The following XYLT1 variants were observed in gnomAD, a reference collection of about 807,000 sequenced individuals.
The protein encoded by XYLT1 is beta-D-xylosyltransferase 1.
A neutral mutation model predicts 91.3 loss-of-function variants in XYLT1; 36 were observed. That is an observed-to-expected ratio of 0.39 (90% CI 0.30 to 0.52). The LOEUF is 0.52. Ranked by LOEUF, XYLT1 falls within the 20% of genes least tolerant of loss-of-function variation. The probability of loss-of-function intolerance (pLI) is 0.68; values close to 1 mark genes in which losing one functional copy is unlikely to be tolerated. For missense variants in XYLT1, 1,242 were observed against 1,284.5 expected (o/e 0.97, Z 0.51); for synonymous variants, 588 against 532.0 (o/e 1.11, Z -1.45).
intron 2 of XYLT1, among the ~76,000 whole-genome samples, chr16:17,339,932 A>G (rs969144792): frequency 6.6e-6 from 1 of 150,782 alleles, no homozygotes; most frequent in Admixed American, 6.6e-5. Flanking sequence ...TCCATCCTCC[A>G]TCCATCATCT....
chr16:17,169,458 T>G (rs951425206), intron 5 of XYLT1, among the ~76,000 whole-genome samples: 2 of 152,204 alleles, frequency 1.3e-5, no homozygotes, highest in African/African-American at 4.8e-5. Context: ...AAGAAACACA[T>G]TTTTCATTTT....
At chr16:17,307,320 C>T (rs1240833113) in intron 2 of XYLT1, among the ~76,000 whole-genome samples, 1 of 152,170 alleles carries the variant, frequency 6.6e-6, no homozygotes, top group Non-Finnish European at 1.5e-5. Context: ...CGTGATCGGC[C>T]CGCTTCGGCC....
intron 2 of XYLT1, among the ~76,000 whole-genome samples, chr16:17,332,517 G>A (rs1228449512): frequency 2.0e-5 from 3 of 151,710 alleles, no homozygotes; most frequent in Admixed American, 6.6e-5. Flanking sequence ...AGCCAAGATC[G>A]TGCCACTGCG....
intron 9 of XYLT1, among the ~76,000 whole-genome samples, chr16:17,131,985 C>G (rs371058453): frequency 1.3e-5 from 2 of 151,586 alleles, no homozygotes; most frequent in South Asian, 4.2e-4. Context: ...ATTCCTGGCT[C>G]GAGGCAACGT....
In XYLT1 at chr16:17,365,283, G is replaced by A. The variant is rs2035438325; in HGVS notation, c.364-7233C>T. Among the ~76,000 whole-genome samples, 3 of 152,132 alleles carry A rather than the reference G, an allele frequency of 2.0e-5. No individual in the cohort carries two copies. The South Asian group carries it at 6.2e-4, about 32-fold the overall frequency. ...TTAGGGTCTCATTGCAGCAACCAAG[G>A]TGTTGCATAACGGGGCTTTCTCTTC... On this transcript the variant is annotated intron_variant, in intron 1 of 11. Coordinates refer to ENST00000261381, the MANE Select transcript of XYLT1 (RefSeq NM_022166.4).
chr16:17,132,902 G>A (rs7193675), intron 9 of XYLT1, among the ~76,000 whole-genome samples: 93,235 of 152,034 alleles, frequency 0.61, 29,889 homozygotes, highest in East Asian at 0.84. Context: ...TCTCAAAAGA[G>A]CACTGTATAA....
intron 5 of XYLT1, chr16:17,193,933 G>A (rs1488500457): frequency 6.6e-6 from 1 of 152,220 alleles, no homozygotes; most frequent in Non-Finnish European, 1.5e-5. Flanking sequence ...ATTCGTGGGA[G>A]GCACCATGGA....
chr16:17,469,217 A>T (rs1464510794), intron 1 of XYLT1, among the ~76,000 whole-genome samples: 1 of 152,264 alleles, frequency 6.6e-6, no homozygotes, highest in African/African-American at 2.4e-5. Context: ...GTACTAAGGC[A>T]GTCTTCAGTG....
At chr16:17,174,104 T>G (rs557738455) in intron 5 of XYLT1, among the ~76,000 whole-genome samples, 1 of 152,298 alleles carries the variant, frequency 6.6e-6, no homozygotes, top group South Asian at 2.1e-4. Flanking sequence ...TCTCTGTGGT[T>G]GTTCCCTGGC....
chr16:17,451,449 G>A (rs1189832291), intron 1 of XYLT1, among the ~76,000 whole-genome samples: 3 of 152,208 alleles, frequency 2.0e-5, no homozygotes, highest in Admixed American at 6.5e-5. Flanking sequence ...CCCCTCCATC[G>A]GAACCTGAGC....
chr16:17,383,601 T>TCAACACACAC (rs2035709428), intron 1 of XYLT1, among the ~76,000 whole-genome samples: 1 of 151,904 alleles, frequency 6.6e-6, no homozygotes, highest in East Asian at 2.0e-4. Flanking sequence ...AAGGAACATT[T>TCAACACACAC]ACATTTTAAG....
intron 3 of XYLT1, among the ~76,000 whole-genome samples, chr16:17,233,890 G>A (rs2033206213): frequency 6.6e-6 from 1 of 152,138 alleles, no homozygotes; most frequent in African/African-American, 2.4e-5. Flanking sequence ...CTTCATCCTG[G>A]TTAAGCGCAC....
At chr16:17,152,750 C>T (rs982234275) in intron 6 of XYLT1, among the ~76,000 whole-genome samples, 1 of 152,212 alleles carries the variant, frequency 6.6e-6, no homozygotes. Flanking sequence ...AGATGGGGTT[C>T]AGACCAGAGA....
rs869058864 is a variant in XYLT1 at position 17,351,014 on chromosome 16, GA to G, written c.402+6997del. Among the ~76,000 whole-genome samples the G allele has an allele frequency of 1.7e-4, 26 of 151,784 alleles. No individual in the cohort carries two copies. In the East Asian group the frequency reaches 4.6e-3, roughly 27 times the overall value. On this transcript the variant is annotated intron_variant, in intron 2 of 11. Transcript: ENST00000261381. ...AACCCCAGCCAAGTAGCTGGATTAA[GA>G]AAAAAAAATTTTTTTTTTAACTCTG...
chr16:17,462,537 G>A (rs1342391536), intron 1 of XYLT1, among the ~76,000 whole-genome samples: 1 of 152,186 alleles, frequency 6.6e-6, no homozygotes, highest in Non-Finnish European at 1.5e-5. Context: ...CAGGCGGAAG[G>A]AAGTGTCCGC....
Position 17,108,779 on chromosome 16 carries a change from G to C in XYLT1, c.2796C>G (p.Thr932=). 1.9e-6 allele frequency: 3 copies of C among 1,610,626 alleles called. No individual in the cohort carries two copies. The highest frequency in any genetic ancestry group is 2.2e-5 in the East Asian group (1 of 44,880). Residue 932 remains threonine (T), a synonymous_variant, in exon 12 of 12, where the codon ACC becomes ACG. Transcript: ENST00000261381. ...TGPTACPVMQ[T]CSQTAWSSFS... ...AGGAGCTCCAGGCCGTCTGGCTGCA[G>C]GTCTGCATGACCGGGCAGGCTGTGG...
intron 1 of XYLT1, among the ~76,000 whole-genome samples, chr16:17,398,898 G>A (rs879618755): frequency 7.0e-6 from 1 of 143,120 alleles, no homozygotes; most frequent in Non-Finnish European, 1.5e-5. Context: ...AGGCTGGAGT[G>A]CAGTGGCTCG....
chr16:17,166,529 TG>T (rs1391136241), intron 5 of XYLT1, among the ~76,000 whole-genome samples: 1 of 151,944 alleles, frequency 6.6e-6, no homozygotes, highest in Non-Finnish European at 1.5e-5. Context: ...TTTTTTTTTT[TG>T]AGGTAGAGTC....
At chr16:17,404,637 A>G (rs1001266578) in intron 1 of XYLT1, among the ~76,000 whole-genome samples, 2 of 152,208 alleles carry the variant, frequency 1.3e-5, no homozygotes, top group South Asian at 2.1e-4. Context: ...ACAGATGCAC[A>G]AGTAACAGTC....
Sources: allele counts gnomAD v4.1 joint callset (sites outside exome capture counted in the v4.1 genomes callset), GRCh38; gene constraint gnomAD v4.1.1; transcripts MANE v1.5; gene names NCBI Gene and HGNC (gene_info 2026-07-23, HGNC 2026-07-21).